Variants in CCDC102B observed in about 807,000 individuals in gnomAD.
CCDC102B encodes coiled-coil domain-containing protein 102B.
In CCDC102B, 75 loss-of-function variants were observed where a neutral mutation model predicts 57.4. The observed-to-expected ratio is 1.31, with a 90% CI of 1.08 to 1.58. The LOEUF is 1.58. Among genes scored for constraint, CCDC102B ranks in the 40% most tolerant of loss-of-function variants. CCDC102B has a pLI of 0.00. For synonymous variants in CCDC102B, 206 were observed against 201.9 expected (o/e 1.02, Z -0.17); for missense variants, 636 against 582.6 (o/e 1.09, Z -0.94).
chr18:68,991,224 G>C (rs557923262), intron 6 of CCDC102B, among the ~76,000 whole-genome samples: 15 of 148,102 alleles, frequency 1.0e-4, no homozygotes, highest in African/African-American at 3.7e-4. Flanking sequence ...CATTTCTCTA[G>C]AATTATGAAC....
intron 7 of CCDC102B, among the ~76,000 whole-genome samples, chr18:69,047,446 C>A (rs1410213498): frequency 1.8e-4 from 28 of 152,022 alleles, no homozygotes; most frequent in Admixed American, 1.8e-3. Flanking sequence ...ACTGAATGGG[C>A]AAAAGATGGA....
At chr18:69,005,843 CT>C (rs1420883373) in intron 6 of CCDC102B, among the ~76,000 whole-genome samples, 2 of 151,350 alleles carry the variant, frequency 1.3e-5, no homozygotes, top group African/African-American at 4.8e-5. Flanking sequence ...TTATGTGTTT[CT>C]TTTCTATATC....
intron 1 of CCDC102B, among the ~76,000 whole-genome samples, chr18:68,810,308 GA>G (rs1237865555): frequency 6.6e-6 from 1 of 152,046 alleles, no homozygotes; most frequent in Non-Finnish European, 1.5e-5. Flanking sequence ...AAATCTCACT[GA>G]AAAACTTCAT....
chr18:68,952,483 G>T (rs1264191821), intron 6 of CCDC102B, among the ~76,000 whole-genome samples: 2 of 152,032 alleles, frequency 1.3e-5, no homozygotes, highest in African/African-American at 4.8e-5. Context: ...TAACAGTCTG[G>T]GATAAAGGAA....
At chr18:68,840,284 T>G (rs1236810591) in intron 3 of CCDC102B, among the ~76,000 whole-genome samples, 1 of 152,146 alleles carries the variant, frequency 6.6e-6, no homozygotes, top group African/African-American at 2.4e-5. Context: ...ATATAACAGT[T>G]TTAATTTTCC....
At chr18:68,938,360 C>T (rs2049298112) in intron 6 of CCDC102B, among the ~76,000 whole-genome samples, 1 of 151,948 alleles carries the variant, frequency 6.6e-6, no homozygotes, top group African/African-American at 2.4e-5. Context: ...ATGTTTTATA[C>T]ATTTTAGTAC....
At chr18:69,022,017 G>C (rs1231910099) in intron 7 of CCDC102B, among the ~76,000 whole-genome samples, 1 of 151,978 alleles carries the variant, frequency 6.6e-6, no homozygotes, top group Non-Finnish European at 1.5e-5. Context: ...AACCCATCAA[G>C]CGAGGCTTAT....
intron 7 of CCDC102B, among the ~76,000 whole-genome samples, chr18:69,021,411 C>G (rs1177971307): frequency 6.6e-6 from 1 of 152,134 alleles, no homozygotes; most frequent in Admixed American, 6.5e-5. Flanking sequence ...GGGACACAGA[C>G]AGTGACAGTT....
chr18:68,771,979 T>G (rs1046913446), intron 2 of CCDC102B, among the ~76,000 whole-genome samples: 2 of 152,048 alleles, frequency 1.3e-5, no homozygotes, highest in African/African-American at 4.8e-5. Context: ...TCTTTCCTGT[T>G]TCCAAATGTT....
chr18:68,899,500 G>A (rs1379729030), intron 6 of CCDC102B, among the ~76,000 whole-genome samples: 1 of 151,966 alleles, frequency 6.6e-6, no homozygotes, highest in Non-Finnish European at 1.5e-5. Flanking sequence ...ATACATGAGT[G>A]AGGCAGTGAA....
intron 6 of CCDC102B, among the ~76,000 whole-genome samples, chr18:68,950,107 C>G (rs2049653379): frequency 6.6e-6 from 1 of 152,108 alleles, no homozygotes; most frequent in Non-Finnish European, 1.5e-5. Context: ...TGAAGTCTTA[C>G]AATCCTTAGT....
chr18:68,919,109 C>A (rs997149285), intron 6 of CCDC102B, among the ~76,000 whole-genome samples: 2 of 151,778 alleles, frequency 1.3e-5, no homozygotes, highest in Admixed American at 1.3e-4. Context: ...TCCCTTATAT[C>A]TATTTTGGAA....
In CCDC102B at chr18:68,998,546, G is replaced by A. The variant is rs544555323; in HGVS notation, c.1264-12388G>A. ...ACAAGGTGAAGTCCCACAATAGGCC[G>A]TCTGCAAGCTGAGGAGCAAGGAAGC... On this transcript the variant is annotated intron_variant, in intron 6 of 7. Transcript: ENST00000360242. Among the ~76,000 whole-genome samples, 140 of 151,052 alleles carry A rather than the reference G, an allele frequency of 9.3e-4. 1 individual carries two copies. The highest frequency in any genetic ancestry group is 3.3e-3 in the African/African-American group (135 of 41,214).
intron 2 of CCDC102B, among the ~76,000 whole-genome samples, chr18:68,760,718 T>A (rs2034227133): frequency 1.3e-5 from 2 of 152,066 alleles, no homozygotes; most frequent in Admixed American, 6.6e-5. Flanking sequence ...TAACAGGGTA[T>A]CCAGTGAAAG....
In CCDC102B at chr18:68,782,309, G is replaced by C. The variant is rs2035031938; in HGVS notation, c.-66-41057G>C. On this transcript the variant is annotated intron_variant, in intron 2 of 3. Coordinates refer to the CCDC102B transcript ENST00000578970. The stretch of plus-strand genomic sequence containing the variant: ...CTATACACCTCTTTGTCCTTGTTGT[G>C]TAGGAATATAATGAAATAAAATCAC... 4.6e-5 allele frequency among the ~76,000 whole-genome samples: 7 copies of C among 151,844 alleles called. No homozygotes were observed. In the South Asian group the frequency reaches 1.5e-3, roughly 32 times the overall value.
rs1157601164 is a variant in CCDC102B at position 68,808,468 on chromosome 18, CTTT to C, written c.-16+10310_-16+10312del. Among the ~76,000 whole-genome samples the C allele has an allele frequency of 1.3e-3, 118 of 91,788 alleles. 1 individual carries two copies. In the East Asian group the frequency reaches 0.035, roughly 28 times the overall value. The allele number at this position is 91,788 out of a possible 152,430, so 60.2% of individuals were successfully genotyped here. On this transcript the variant is annotated intron_variant, in intron 1 of 7. Coordinates refer to ENST00000360242, the MANE Select transcript of CCDC102B (RefSeq NM_024781.3). ...CATTGTTATTTCATTGCTTTTACTA[CTTT>C]TTTTTTTTTTTTTTTTTTTTTTGTG... is the stretch of plus-strand genomic sequence containing the variant.
At chr18:68,873,465 A>G (rs17079820) in intron 4 of CCDC102B, among the ~76,000 whole-genome samples, 47,264 of 152,012 alleles carry the variant, frequency 0.31, 7,755 homozygotes, top group South Asian at 0.41. Context: ...ATAATGGTTT[A>G]ACACTCAGGT....
intron 5 of CCDC102B, among the ~76,000 whole-genome samples, chr18:68,895,945 T>C (rs1174266001): frequency 6.6e-6 from 1 of 151,892 alleles, no homozygotes; most frequent in Non-Finnish European, 1.5e-5. Flanking sequence ...ATTTAAAAAA[T>C]TTATATTACC....
chr18:69,050,242 T>C (rs757591446), intron 7 of CCDC102B, among the ~76,000 whole-genome samples: 18 of 152,166 alleles, frequency 1.2e-4, no homozygotes, highest in Non-Finnish European at 2.2e-4. Flanking sequence ...CAGGACAAAA[T>C]AGCACTTCGA....
Sources: gnomAD v4.1 joint callset for allele counts (sites outside exome capture counted in the v4.1 genomes callset) on GRCh38, gnomAD v4.1.1 for gene constraint, MANE v1.5 for transcripts, NCBI Gene and HGNC (gene_info 2026-07-23, HGNC 2026-07-21) for gene names.